FLI1: variants seen among roughly 807,000 people sequenced by gnomAD.
FLI1 encodes Friend leukemia integration 1 transcription factor.
Under a neutral mutation model 53.1 loss-of-function variants are expected in FLI1, and 13 were observed. That is an observed-to-expected ratio of 0.24 (90% CI 0.16 to 0.39). The LOEUF is 0.39. FLI1 is among the 10% of genes least tolerant of loss of function. FLI1 has a pLI of 1.00. For synonymous variants in FLI1, 244 were observed against 236.7 expected (o/e 1.03, Z -0.28); for missense variants, 424 against 600.5 (o/e 0.71, Z 3.07).
intron 1 of FLI1, among the ~76,000 whole-genome samples, chr11:128,726,970 T>C (rs1462336682): frequency 6.6e-6 from 1 of 151,100 alleles, no homozygotes; most frequent in Non-Finnish European, 1.5e-5. Flanking sequence ...CAGGGGAGGG[T>C]GCTGTGTCTT....
intron 1 of FLI1, among the ~76,000 whole-genome samples, chr11:128,742,841 C>A (rs932843618): frequency 2.6e-5 from 4 of 152,166 alleles, no homozygotes; most frequent in African/African-American, 9.7e-5. Flanking sequence ...TACGTGGAAT[C>A]GTCAGCACAT....
chr11:128,772,149 T>A (rs1053464822), intron 3 of FLI1, among the ~76,000 whole-genome samples: 1 of 152,078 alleles, frequency 6.6e-6, no homozygotes, highest in African/African-American at 2.4e-5. Flanking sequence ...TTACCTTACC[T>A]GTGTTCACTC....
At chr11:128,694,582 A>G (rs112365430) in intron 1 of FLI1, among the ~76,000 whole-genome samples, 1 of 30 alleles carries the variant, frequency 0.033, no homozygotes, top group Non-Finnish European at 0.045. Context: ...GGGGGACCCC[A>G]GGGTACGGAA....
intron 1 of FLI1, among the ~76,000 whole-genome samples, chr11:128,749,740 CTAA>C (rs1266788775): frequency 6.6e-6 from 1 of 152,240 alleles, no homozygotes; most frequent in Non-Finnish European, 1.5e-5. Context: ...TGATGACTGA[CTAA>C]TGTTTCCCAC....
chr11:128,794,728 C>T (rs1942378631), intron 5 of FLI1, among the ~76,000 whole-genome samples: 1 of 152,284 alleles, frequency 6.6e-6, no homozygotes, highest in Non-Finnish European at 1.5e-5. Context: ...AGAAACACTA[C>T]CCAGGTTGTG....
intron 1 of FLI1, among the ~76,000 whole-genome samples, chr11:128,695,207 C>A (rs1373956544): frequency 6.6e-6 from 1 of 152,204 alleles, no homozygotes; most frequent in Admixed American, 6.5e-5. Context: ...GCAACCCAGG[C>A]GGAAAGGTGA....
At chr11:128,794,524 G>A (rs922392564) in intron 5 of FLI1, among the ~76,000 whole-genome samples, 1 of 152,172 alleles carries the variant, frequency 6.6e-6, no homozygotes, top group Non-Finnish European at 1.5e-5. Flanking sequence ...TGAGCTTAGG[G>A]CATCTTCTAG....
Position 128,810,564 on chromosome 11 carries a change from C to T in FLI1, c.935C>T (p.Thr312Met), listed in dbSNP as rs1942911511. ...GGGACCAACGGGGAGTTCAAAATGA[C>T]GGACCCCGATGAGGTGGCCAGGCGC... ...WEGTNGEFKM[T>M]DPDEVARRWG... Residue 312 changes from threonine (T) to methionine (M), a missense_variant, in exon 9 of 9, where the codon ACG becomes ATG. Around this residue, in one of 5 missense-constraint regions of FLI1, gnomAD observed 71 missense variants for 174.2 expected, o/e 0.41. Coordinates refer to ENST00000527786, the MANE Select transcript of FLI1 (RefSeq NM_002017.5). The surrounding 1 kb of genome is among the most constrained non-coding windows in gnomAD (Gnocchi z 6.6). The T allele has an allele frequency of 2.5e-6, 4 of 1,613,132 alleles. No homozygotes were observed. The highest frequency in any genetic ancestry group is 3.4e-6 in the Non-Finnish European group (4 of 1,179,538).
In FLI1 at chr11:128,768,127, G is replaced by C; in HGVS notation, c.240G>C (p.Pro80=). Residue 80 remains proline, a synonymous_variant, in exon 3 of 9, where the codon CCG becomes CCC. Transcript: ENST00000527786. Reference sequence around the variant, plus strand: ...TCTCTTCTCACTTTAGGGAGTCTCCGGTGGACTGCAGCGTTAGCAAATGCA... The same window carrying C: ...TCTCTTCTCACTTTAGGGAGTCTCCCGTGGACTGCAGCGTTAGCAAATGCA... ...YDHMNGSRES[P]VDCSVSKCSK... The C allele has an allele frequency of 1.2e-6, 2 of 1,612,342 alleles. No individual in the cohort carries two copies. The highest frequency in any genetic ancestry group is 1.7e-6 in the Non-Finnish European group (2 of 1,179,010).
intron 1 of FLI1, among the ~76,000 whole-genome samples, chr11:128,701,831 A>T (rs931173016): frequency 1.3e-5 from 2 of 152,226 alleles, no homozygotes; most frequent in South Asian, 4.1e-4. Flanking sequence ...TACAGGTGCC[A>T]TGGGAGCTTT....
At position 128,807,178 on chromosome 11, in the gene FLI1, A is replaced by G; in HGVS notation, c.722-2A>G. The G allele has an allele frequency of 6.3e-7, 1 of 1,586,382 alleles. No homozygotes were observed. On this transcript the variant is annotated splice_acceptor_variant, in intron 6 of 8. Coordinates refer to ENST00000527786, the MANE Select transcript of FLI1 (RefSeq NM_002017.5). LOFTEE classifies it high-confidence loss of function. ...ACTGCATTTCTTTCCCTCTTGCCAC[A>G]GGTCCTCCCCTTGGAGGGGCACAAA...
Position 128,768,252 on chromosome 11 carries a change from G to A in FLI1, c.365G>A (p.Arg122Lys). The A allele has an allele frequency of 6.2e-7, 1 of 1,613,932 alleles. No individual in the cohort carries two copies. Among genetic ancestry groups the A allele is most frequent in the Non-Finnish European group, 8.5e-7 (1 of 1,179,866 alleles). The change falls in exon 3 of 9, where the codon AGG becomes AAG. Residue 122 changes from arginine to lysine, a missense_variant. By Grantham distance (26) the Arg-to-Lys change is conservative. Around this residue, in one of 5 missense-constraint regions of FLI1, gnomAD observed 137 missense variants for 169.1 expected, o/e 0.81. Coordinates refer to ENST00000527786, the MANE Select transcript of FLI1 (RefSeq NM_002017.5). ...PPPPNMTTNE[R>K]RVIVPADPTL... ...CCTCCCAACATGACCACCAACGAGA[G>A]GAGAGTCATCGTCCCCGCAGGTAAT...
At chr11:128,734,309 G>A (rs1939826170) in intron 1 of FLI1, among the ~76,000 whole-genome samples, 1 of 152,206 alleles carries the variant, frequency 6.6e-6, no homozygotes, top group African/African-American at 2.4e-5. Flanking sequence ...TGCCTCATCT[G>A]ATCTTGGAAG....
At chr11:128,691,021 A>G (rs966373785), upstream of FLI1, among the ~76,000 whole-genome samples, 1 of 152,100 alleles carries the variant, frequency 6.6e-6, no homozygotes, top group African/African-American at 2.4e-5. Context: ...GAGACTAAGG[A>G]AAGAGGAAGG....
At chr11:128,730,587 G>A (rs769412666) in intron 1 of FLI1, among the ~76,000 whole-genome samples, 1 of 152,218 alleles carries the variant, frequency 6.6e-6, no homozygotes, top group Non-Finnish European at 1.5e-5. Flanking sequence ...TTCCCTTTGA[G>A]AACAAAGGTG....
At chr11:128,689,319 C>T (rs1342492091), upstream of FLI1, among the ~76,000 whole-genome samples, 1 of 152,218 alleles carries the variant, frequency 6.6e-6, no homozygotes, top group Admixed American at 6.5e-5. Flanking sequence ...TCTCCTAGCG[C>T]GCAGAGCATA....
At chr11:128,748,041 G>A (rs7930959) in intron 1 of FLI1, among the ~76,000 whole-genome samples, 3 of 152,124 alleles carry the variant, frequency 2.0e-5, no homozygotes, top group African/African-American at 7.2e-5. Flanking sequence ...TAAATACCAC[G>A]GGAGACCTGG....
In FLI1 at chr11:128,694,164, A is replaced by G; in HGVS notation, c.-95A>G. The G allele has an allele frequency of 7.2e-7, 1 of 1,389,906 alleles. No individual in the cohort carries two copies. Among genetic ancestry groups the G allele is most frequent in the Non-Finnish European group, 9.6e-7 (1 of 1,043,742 alleles). 86.1% of individuals were successfully genotyped at this position (1,389,906 alleles called of 1,614,324 possible). A position where few individuals can be genotyped will look rare whatever the true frequency, so the allele number is the denominator to read the frequency against. Reference sequence around the variant, plus strand: ...GCAGGGAGGGCCCAGGGCGCCAGGGAGGCCGCGCCGGGCTAATCCGAAGGG... The same window carrying G: ...GCAGGGAGGGCCCAGGGCGCCAGGGGGGCCGCGCCGGGCTAATCCGAAGGG... On this transcript the variant is annotated 5_prime_UTR_variant, in exon 1 of 9. Transcript: ENST00000527786.
At chr11:128,714,583 C>T (rs1414681338) in intron 1 of FLI1, among the ~76,000 whole-genome samples, 1 of 152,110 alleles carries the variant, frequency 6.6e-6, no homozygotes, top group East Asian at 1.9e-4. Flanking sequence ...GTTCCCTTTA[C>T]CTCATTATTA....
Sources: allele counts gnomAD v4.1 joint callset (sites outside exome capture counted in the v4.1 genomes callset), GRCh38; gene constraint gnomAD v4.1.1; regional missense constraint gnomAD v4.1.1; non-coding constraint Gnocchi (gnomAD v3.1); transcripts MANE v1.5; gene names NCBI Gene and HGNC (gene_info 2026-07-23, HGNC 2026-07-21).